The following ADGRG6 variants were observed in gnomAD, a reference collection of about 807,000 sequenced individuals.
ADGRG6 encodes adhesion G protein-coupled receptor G6.
Under a neutral mutation model 142.4 loss-of-function variants are expected in ADGRG6, and 84 were observed. The observed-to-expected ratio is 0.59, with a 90% CI of 0.49 to 0.71. ADGRG6 has a LOEUF of 0.71. ADGRG6 is among the 30% of genes least tolerant of loss of function. The pLI, the probability that ADGRG6 is intolerant of heterozygous loss-of-function variation, is 0.00. For synonymous variants in ADGRG6, 521 were observed against 520.5 expected (o/e 1.00, Z -0.01); for missense variants, 1,367 against 1,466.6 (o/e 0.93, Z 1.11).
chr6:142,393,209 CA>C (rs1344136805), intron 8 of ADGRG6, among the ~76,000 whole-genome samples: 4 of 152,060 alleles, frequency 2.6e-5, no homozygotes, highest in African/African-American at 9.7e-5. Context: ...TCATGCATTA[CA>C]GTTAATTTGT....
At chr6:142,438,064 TTGTTTA>T (rs1777573460) in intron 23 of ADGRG6, 142 bp from the exon 24 acceptor site, 1 of 535,882 alleles carries the variant, frequency 1.9e-6, no homozygotes, top group African/African-American at 2.0e-5. Flanking sequence ...TATCCTCTTA[TTGTTTA>T]CATGTCAGTC....
chr6:142,423,190 T>C (rs1276243255), intron 22 of ADGRG6, among the ~76,000 whole-genome samples: 1 of 141,746 alleles, frequency 7.1e-6, no homozygotes, highest in African/African-American at 2.7e-5. Context: ...TTTGTCAATT[T>C]TGGCTTTTGT....
At chr6:142,340,404 TC>T (rs1779558526) in intron 2 of ADGRG6, among the ~76,000 whole-genome samples, 1 of 152,118 alleles carries the variant, frequency 6.6e-6, no homozygotes, top group African/African-American at 2.4e-5. Context: ...CTTATTCAAT[TC>T]CCAGTCTGTG....
At chr6:142,351,164 G>A (rs9389987) in intron 2 of ADGRG6, among the ~76,000 whole-genome samples, 43,145 of 151,934 alleles carry the variant, frequency 0.28, 6,196 homozygotes, top group East Asian at 0.34. Flanking sequence ...CTCAGGAGGC[G>A]GAGCTTGCAG....
intron 2 of ADGRG6, among the ~76,000 whole-genome samples, chr6:142,333,567 C>T (rs1779168516): frequency 6.6e-6 from 1 of 152,104 alleles, no homozygotes; most frequent in Non-Finnish European, 1.5e-5. Flanking sequence ...CCACGCTAGG[C>T]TTCAACTACT....
At position 142,443,265 on chromosome 6, in the gene ADGRG6, T is replaced by C. The variant is rs990964952; in HGVS notation, c.3575-72T>C. The C allele has an allele frequency of 3.5e-6, 3 of 867,438 alleles. No homozygotes were observed. In the African/African-American group the frequency reaches 5.1e-5, roughly 15 times the overall value. The allele number at this position is 867,438 out of a possible 1,614,324, so 53.7% of individuals were successfully genotyped here. A position where few individuals can be genotyped will look rare whatever the true frequency, so the allele number is the denominator to read the frequency against. On this transcript the variant is annotated intron_variant, in intron 24 of 24. Coordinates refer to ENST00000367609, the MANE Select transcript of ADGRG6 (RefSeq NM_198569.3). Reference sequence around the variant, plus strand: ...TTCTTCTTTAATGTGCAAAACGGAGTATACAATATGGTGGCCTGTAGGCAT... The same window carrying C: ...TTCTTCTTTAATGTGCAAAACGGAGCATACAATATGGTGGCCTGTAGGCAT...
At position 142,305,936 on chromosome 6, in the gene ADGRG6, A is replaced by T. The variant is rs1016470952; in HGVS notation, c.2+3605A>T. Reference sequence around the variant, plus strand: ...TTAAATACATTGCTTTGGCTCAGGAACATGATCTTTAACCAAAAAAAAGAA... The same window carrying T: ...TTAAATACATTGCTTTGGCTCAGGATCATGATCTTTAACCAAAAAAAAGAA... On this transcript the variant is annotated intron_variant, in intron 1 of 24. Coordinates refer to ENST00000367609, the MANE Select transcript of ADGRG6 (RefSeq NM_198569.3). Among the ~76,000 whole-genome samples, 4 of 152,166 alleles carry T rather than the reference A, an allele frequency of 2.6e-5. No individual in the cohort carries two copies. In the South Asian group the frequency reaches 8.3e-4, roughly 32 times the overall value.
rs1777837504 is a variant in ADGRG6, at chr6:142,443,127, G to A, written c.3575-210G>A. ...TAAGCCACAGTACAAATTACTAGAA[G>A]GGAAGTTGACACTCAGTGACTATCA... On this transcript the variant is annotated intron_variant, in intron 24 of 24. Coordinates refer to ENST00000367609, the MANE Select transcript of ADGRG6 (RefSeq NM_198569.3). Among the ~76,000 whole-genome samples the A allele has an allele frequency of 2.0e-5, 3 of 152,096 alleles. No individual in the cohort carries two copies. In the South Asian group the frequency reaches 6.2e-4, roughly 32 times the overall value.
chr6:142,337,709 G>A (rs1342336742), intron 2 of ADGRG6, among the ~76,000 whole-genome samples: 2 of 152,078 alleles, frequency 1.3e-5, no homozygotes, highest in East Asian at 3.9e-4. Flanking sequence ...GTCTGTAAAT[G>A]TTGGTTGCAG....
At position 142,417,248 on chromosome 6, in the gene ADGRG6, TTG is replaced by T. The variant is rs753966002; in HGVS notation, c.2939-21_2939-20del. On this transcript the variant is annotated intron_variant, in intron 20 of 24. Transcript: ENST00000367609. ...GCAGTTTCAGATGCTTCAAAAGAGT[TTG>T]TGTCATGGTGTTTTTGTAACAGGTT... 3 of 1,239,168 alleles carry T rather than the reference TTG, an allele frequency of 2.4e-6. No individual in the cohort carries two copies. In the South Asian group the frequency reaches 3.7e-5, roughly 15 times the overall value. The allele number at this position is 1,239,168 out of a possible 1,614,324, so 76.8% of individuals were successfully genotyped here.
intron 2 of ADGRG6, among the ~76,000 whole-genome samples, chr6:142,341,882 TA>T (rs992181699): frequency 6.6e-6 from 1 of 151,592 alleles, no homozygotes; most frequent in Non-Finnish European, 1.5e-5. Flanking sequence ...ACCAAATTTT[TA>T]AAAAAACTTG....
chr6:142,419,876 G>A lies in ADGRG6; in HGVS notation c.3091G>A (p.Val1031Ile). 1 of 1,612,964 alleles carries A rather than the reference G, an allele frequency of 6.2e-7. No individual in the cohort carries two copies. The highest frequency in any genetic ancestry group is 1.1e-5 in the South Asian group (1 of 91,050). The change falls in exon 22 of 25, where the codon GTC (valine) becomes ATC (isoleucine). Residue 1031 changes from valine to isoleucine, a missense_variant. By Grantham distance (29) the Val-to-Ile change is conservative. Transcript: ENST00000367609. ...FYVTCAGYFG[V>I]MFFLNIAMFI... ...TGTGACCTGTGCTGGGTATTTTGGA[G>A]TCATGTTTTTTCTGAACATTGCCAT...
chr6:142,325,461 C>T (rs1778727736), intron 2 of ADGRG6, among the ~76,000 whole-genome samples: 1 of 152,066 alleles, frequency 6.6e-6, no homozygotes, highest in African/African-American at 2.4e-5. Flanking sequence ...ATGAGTTGGC[C>T]TGGGATTTTA....
At chr6:142,333,942 G>T (rs2114678340) in intron 2 of ADGRG6, among the ~76,000 whole-genome samples, 1 of 152,224 alleles carries the variant, frequency 6.6e-6, no homozygotes, top group South Asian at 2.1e-4. Context: ...CACTGTCATT[G>T]CTCTTAATTC....
intron 2 of ADGRG6, among the ~76,000 whole-genome samples, chr6:142,322,453 A>T (rs1422805621): frequency 2.0e-5 from 3 of 152,048 alleles, no homozygotes; most frequent in Non-Finnish European, 4.4e-5. Context: ...TTCTGCAAAG[A>T]TATAAACTTC....
chr6:142,338,567 G>A (rs1044835177), intron 2 of ADGRG6, among the ~76,000 whole-genome samples: 2 of 151,240 alleles, frequency 1.3e-5, no homozygotes, highest in African/African-American at 2.4e-5. Flanking sequence ...AATAATAGTA[G>A]TTAATCGATA....
At chr6:142,367,093 C>A (rs1184172036) in intron 2 of ADGRG6, among the ~76,000 whole-genome samples, 1 of 151,982 alleles carries the variant, frequency 6.6e-6, no homozygotes, top group Non-Finnish European at 1.5e-5. Context: ...AAGAGTTTCT[C>A]TTCCTTTATA....
At chr6:142,405,513 T>A in intron 14 of ADGRG6, 175 bp from the exon 15 acceptor site, 1 of 680,880 alleles carries the variant, frequency 1.5e-6, no homozygotes, top group Non-Finnish European at 2.7e-6. Context: ...GATCTACAGC[T>A]CTGTCTGTAG....
rs147347026 is a variant in ADGRG6 at position 142,412,386 on chromosome 6, G to A, written c.2541+975G>A. On this transcript the variant is annotated intron_variant, in intron 18 of 24. Coordinates refer to ENST00000367609, the MANE Select transcript of ADGRG6 (RefSeq NM_198569.3). Reference sequence around the variant, plus strand: ...CAGACGTCAGGTTTTGTTTATTCCCGCCTTTAAATCTTGCACCCTTCTTCC... The same window carrying A: ...CAGACGTCAGGTTTTGTTTATTCCCACCTTTAAATCTTGCACCCTTCTTCC... Among the ~76,000 whole-genome samples the A allele has an allele frequency of 8.4e-3, 1,278 of 152,192 alleles. 16 individuals carry two copies. The highest frequency in any genetic ancestry group is 0.029 in the African/African-American group (1,203 of 41,528).
Sources: gnomAD v4.1 joint callset for allele counts (sites outside exome capture counted in the v4.1 genomes callset) on GRCh38, gnomAD v4.1.1 for gene constraint, MANE v1.5 for transcripts, NCBI Gene and HGNC (gene_info 2026-07-23, HGNC 2026-07-21) for gene names.